Variants in ZGRF1 observed in about 807,000 individuals in gnomAD.
ZGRF1 encodes the protein zinc finger GRF-type containing 1, also known as 5'-3' DNA helicase ZGRF1.
A neutral mutation model predicts 203.5 loss-of-function variants in ZGRF1; 196 were observed. That is an observed-to-expected ratio of 0.96 (90% CI 0.86 to 1.08). The LOEUF (loss-of-function observed/expected upper bound fraction) is 1.08. ZGRF1 is among the 50% of genes least tolerant of loss of function. The pLI is 0.00. For synonymous variants in ZGRF1, 809 were observed against 841.3 expected (o/e 0.96, Z 0.66); for missense variants, 2,326 against 2,416.3 (o/e 0.96, Z 0.78).
chr4:112,575,250 G>A (rs17044822), intron 16 of ZGRF1, among the ~76,000 whole-genome samples: 5,210 of 152,042 alleles, frequency 0.034, 294 homozygotes, highest in African/African-American at 0.12. Context: ...AATGTTTCTC[G>A]TATCCCTTTT....
At chr4:112,549,772 ACTT>A (rs1029094256) in intron 22 of ZGRF1, among the ~76,000 whole-genome samples, 1 of 151,766 alleles carries the variant, frequency 6.6e-6, no homozygotes, top group Non-Finnish European at 1.5e-5. Flanking sequence ...ATGTACTCCT[ACTT>A]CTTAAAAAAA....
In ZGRF1 at chr4:112,595,803, T is replaced by G. The variant is rs528750904; in HGVS notation, c.2977-5929A>C. 5.3e-5 allele frequency among the ~76,000 whole-genome samples: 8 copies of G among 152,304 alleles called. No individual in the cohort carries two copies. The East Asian group carries it at 1.2e-3, about 22-fold the overall frequency. On this transcript the variant is annotated intron_variant, in intron 10 of 27. Transcript: ENST00000505019. ...TCACCACAATAAATATTTTATAATG[T>G]TTTTAAAGTCTAGGATAAAAAACAT... is the stretch of plus-strand genomic sequence containing the variant.
intron 16 of ZGRF1, among the ~76,000 whole-genome samples, chr4:112,571,262 G>C (rs1394605813): frequency 6.6e-6 from 1 of 152,102 alleles, no homozygotes; most frequent in Non-Finnish European, 1.5e-5. Flanking sequence ...ATAAAAATTA[G>C]AGAGGAAGCC....
At chr4:112,616,022 G>A (rs570009767) in intron 6 of ZGRF1, among the ~76,000 whole-genome samples, 76 of 152,152 alleles carry the variant, frequency 5.0e-4, no homozygotes, top group Non-Finnish European at 8.7e-4. Context: ...GGTACAATAA[G>A]TTAATTTATA....
chr4:112,587,917 G>C lies in ZGRF1; in HGVS notation c.3140C>G (p.Ser1047Cys). Residue 1047 changes from serine to cysteine, a missense_variant, in exon 12 of 28, where the codon TCC (serine) becomes TGC (cysteine). Transcript: ENST00000505019. ...AAGGTTCTCATTCTCCAGAGAACGG[G>C]ATTTTTTCATCCCTGAAAGAAAACA... is the stretch of plus-strand genomic sequence containing the variant. Reference protein sequence around the residue: ...HFLNLEGMKKSRSLENENLQR... With the variant: ...HFLNLEGMKKCRSLENENLQR... 2 of 1,524,472 alleles carry C rather than the reference G, an allele frequency of 1.3e-6. No homozygotes were observed. Among genetic ancestry groups the C allele is most frequent in the South Asian group, 1.3e-5 (1 of 79,036 alleles). 94.4% of individuals were successfully genotyped at this position (1,524,472 alleles called of 1,614,324 possible). A position where few individuals can be genotyped will look rare whatever the true frequency, so the allele number is the denominator to read the frequency against.
intron 16 of ZGRF1, among the ~76,000 whole-genome samples, chr4:112,581,172 G>T (rs985174962): frequency 1.3e-5 from 2 of 149,958 alleles, no homozygotes; most frequent in African/African-American, 2.5e-5. Context: ...GCAAACTATC[G>T]CAAGGACAAA....
intron 20 of ZGRF1, 52 bp downstream of exon 20, chr4:112,558,098 T>C: frequency 6.6e-7 from 1 of 1,517,800 alleles, no homozygotes; most frequent in Non-Finnish European, 9.0e-7. Context: ...GGGTTGCCTC[T>C]CTCAACAATA....
chr4:112,592,317 C>A (rs1748320529), intron 10 of ZGRF1, among the ~76,000 whole-genome samples: 1 of 151,976 alleles, frequency 6.6e-6, no homozygotes, highest in Non-Finnish European at 1.5e-5. Context: ...AGGCTGGTGT[C>A]AAACTTCTGA....
At chr4:112,561,308 T>C (rs1741935744) in intron 18 of ZGRF1, 1 of 274,412 alleles carries the variant, frequency 3.6e-6, no homozygotes, top group South Asian at 4.7e-5. Context: ...GATACAAGAA[T>C]ATTGAATTTT....
intron 21 of ZGRF1, 37 bp from the exon 22 acceptor site, chr4:112,554,019 T>A: frequency 1.3e-6 from 2 of 1,555,012 alleles, no homozygotes; most frequent in Non-Finnish European, 1.7e-6. Flanking sequence ...CTTTATTCCA[T>A]TTTTCATAAC....
intron 16 of ZGRF1, chr4:112,565,293 T>A: frequency 6.6e-7 from 1 of 1,522,326 alleles, no homozygotes; most frequent in Non-Finnish European, 9.1e-7. Flanking sequence ...CCTATCTGGT[T>A]GGCCTTTTTG....
chr4:112,566,327 C>G (rs1333565171), intron 16 of ZGRF1, among the ~76,000 whole-genome samples: 2 of 110,680 alleles, frequency 1.8e-5, no homozygotes, highest in East Asian at 2.6e-4. Context: ...ACATCACACT[C>G]TGGGGACTGT....
rs143382110 is a variant in ZGRF1, at chr4:112,624,303, G to A, written c.103-427C>T. Among the ~76,000 whole-genome samples the A allele has an allele frequency of 3.7e-3, 555 of 151,912 alleles. 5 individuals are homozygous for A. Among genetic ancestry groups the A allele is most frequent in the Non-Finnish European group, 5.9e-3 (404 of 67,954 alleles). On this transcript the variant is annotated intron_variant, in intron 3 of 27. Coordinates refer to ENST00000505019, the MANE Select transcript of ZGRF1 (RefSeq NM_018392.5). ...GGCCAAAGCAGGTGGATCACTTGAG[G>A]TCTAGACCAGCCTGGCCAACATGGC... is the stretch of plus-strand genomic sequence containing the variant.
At chr4:112,634,941 C>A (rs900070346) in intron 1 of ZGRF1, among the ~76,000 whole-genome samples, 2 of 151,976 alleles carry the variant, frequency 1.3e-5, no homozygotes, top group African/African-American at 2.4e-5. Context: ...ACCAGCCTGA[C>A]CAACATGGTG....
At chr4:112,592,832 C>T (rs547089790) in intron 10 of ZGRF1, among the ~76,000 whole-genome samples, 1 of 152,286 alleles carries the variant, frequency 6.6e-6, no homozygotes, top group African/African-American at 2.4e-5. Context: ...AAGCCTTAAC[C>T]TCCAATGTGA....
At chr4:112,613,453 C>CA (rs148862887) in intron 6 of ZGRF1, among the ~76,000 whole-genome samples, 17,476 of 150,762 alleles carry the variant, frequency 0.12, 1,078 homozygotes, top group East Asian at 0.23. Context: ...GTGAACAAGA[C>CA]AAAAAAAAAT....
intron 4 of ZGRF1, among the ~76,000 whole-genome samples, chr4:112,620,998 C>G (rs537820161): frequency 6.6e-6 from 1 of 152,222 alleles, no homozygotes; most frequent in East Asian, 1.9e-4. Context: ...CACTGCCATA[C>G]TCCAACCTGG....
chr4:112,565,272 G>A (rs1742819614), intron 16 of ZGRF1: 2 of 1,562,770 alleles, frequency 1.3e-6, no homozygotes, highest in African/African-American at 1.4e-5. Context: ...CTTTGCAGGA[G>A]GCAAGTGAGG....
At chr4:112,600,885 T>A (rs1749842468) in intron 10 of ZGRF1, among the ~76,000 whole-genome samples, 1 of 152,186 alleles carries the variant, frequency 6.6e-6, no homozygotes, top group East Asian at 1.9e-4. Context: ...CAGTGTGGGC[T>A]CCCAGAGATC....
Sources: gnomAD v4.1 joint callset for allele counts (sites outside exome capture counted in the v4.1 genomes callset) on GRCh38, gnomAD v4.1.1 for gene constraint, MANE v1.5 for transcripts, NCBI Gene and HGNC (gene_info 2026-07-23, HGNC 2026-07-21) for gene names.